Variants in IPO8 observed in about 807,000 individuals in gnomAD.
IPO8 encodes the protein importin-8.
IPO8 carries 65 observed loss-of-function variants against 141.2 expected under a neutral mutation model. The ratio of observed to expected loss-of-function variants is 0.46; its 90% CI spans 0.38 to 0.57. IPO8 has a LOEUF of 0.57. IPO8 is among the 20% of genes least tolerant of loss of function. IPO8 has a pLI of 0.00. For synonymous variants in IPO8, 411 were observed against 420.3 expected (o/e 0.98, Z 0.27); for missense variants, 980 against 1,246.8 (o/e 0.79, Z 3.22).
intron 2 of IPO8, among the ~76,000 whole-genome samples, chr12:30,689,146 G>A (rs910650485): frequency 2.6e-5 from 4 of 152,006 alleles, no homozygotes; most frequent in African/African-American, 7.2e-5. Context: ...AAGAATTGGA[G>A]AGCCACGCAT....
chr12:30,674,523 T>C lies in IPO8; in HGVS notation c.824+136A>G. On this transcript the variant is annotated intron_variant, in intron 7 of 24. Coordinates refer to ENST00000256079, the MANE Select transcript of IPO8 (RefSeq NM_006390.4). ...GAGAAGACCACCCACTTCATTATGA[T>C]CTCAAAGCCAATGATTAAAATTAAG... 4.3e-6 allele frequency: 3 copies of C among 698,324 alleles called. No individual in the cohort carries two copies. The East Asian group carries it at 7.5e-5, about 17-fold the overall frequency. 43.3% of individuals were successfully genotyped at this position (698,324 alleles called of 1,614,324 possible).
At chr12:30,694,436 T>C (rs1367081095) in intron 1 of IPO8, among the ~76,000 whole-genome samples, 1 of 152,202 alleles carries the variant, frequency 6.6e-6, no homozygotes, top group Non-Finnish European at 1.5e-5. Context: ...GGTTTCCTAT[T>C]AAAATAATCC....
At chr12:30,636,223 C>T (rs1191898742) in intron 22 of IPO8, among the ~76,000 whole-genome samples, 1 of 152,018 alleles carries the variant, frequency 6.6e-6, no homozygotes, top group Admixed American at 6.6e-5. Context: ...ATGCTAAAAT[C>T]ACAGAATTTA....
At chr12:30,649,637 A>G (rs2052697925) in intron 19 of IPO8, among the ~76,000 whole-genome samples, 1 of 152,182 alleles carries the variant, frequency 6.6e-6, no homozygotes, top group African/African-American at 2.4e-5. Context: ...CCATAATTTC[A>G]TATTACATAC....
At position 30,656,623 on chromosome 12, in the gene IPO8, C is replaced by CT. The variant is rs1349729421; in HGVS notation, c.1948+60dup. 5 of 951,606 alleles carry CT rather than the reference C, an allele frequency of 5.3e-6. No homozygotes were observed. In the Admixed American group the frequency reaches 1.3e-4, roughly 24 times the overall value. The allele number at this position is 951,606 out of a possible 1,614,324, so 58.9% of individuals were successfully genotyped here. A position where few individuals can be genotyped will look rare whatever the true frequency, so the allele number is the denominator to read the frequency against. On this transcript the variant is annotated intron_variant, in intron 17 of 24. Transcript: ENST00000256079. ...TTAAATCTGAAGGGCTAAAATTATA[C>CT]TTTGAGTTCAAATTTTTAAAATTTT...
chr12:30,658,229 T>A (rs1364748399), intron 16 of IPO8, among the ~76,000 whole-genome samples: 1 of 152,212 alleles, frequency 6.6e-6, no homozygotes, highest in East Asian at 1.9e-4. Flanking sequence ...AGCACCTATT[T>A]TAGATTCACA....
At chr12:30,669,692 G>A (rs1392968124) in intron 9 of IPO8, among the ~76,000 whole-genome samples, 1 of 151,676 alleles carries the variant, frequency 6.6e-6, no homozygotes, top group African/African-American at 2.4e-5. Context: ...CTTGAGCCTA[G>A]GAGCTCAGGG....
chr12:30,660,933 A>AAATATAATATATAT (rs2052876537), intron 16 of IPO8, among the ~76,000 whole-genome samples: 1 of 32,886 alleles, frequency 3.0e-5, no homozygotes, highest in African/African-American at 2.3e-4. Flanking sequence ...TAATATTTAC[A>AAATATAATATATAT]TTATAATATT....
chr12:30,674,711 A>G lies in IPO8; in HGVS notation c.772T>C (p.Trp258Arg). 2 of 1,613,828 alleles carry G rather than the reference A, an allele frequency of 1.2e-6. No individual in the cohort carries two copies. The highest frequency in any genetic ancestry group is 1.7e-6 in the Non-Finnish European group (2 of 1,179,778). Residue 258 changes from tryptophan to arginine, a missense_variant, in exon 7 of 25, where the codon TGG becomes CGG. By Grantham distance (101) the Trp-to-Arg change is moderately radical. Coordinates refer to ENST00000256079, the MANE Select transcript of IPO8 (RefSeq NM_006390.4). ...AGTGCCCACTTCTTACACTTCCACC[A>G]TACCAGTTCTGGTCTATCATCCTCA... ...IDEDDRPELV[W>R]WKCKKWALHI...
intron 3 of IPO8, 122 bp from the exon 4 acceptor site, chr12:30,681,939 T>C: frequency 1.4e-6 from 1 of 734,990 alleles, no homozygotes. Flanking sequence ...TACTTACATA[T>C]GTGGGGTAGG....
intron 5 of IPO8, chr12:30,677,036 T>C (rs2053130750): frequency 4.6e-6 from 7 of 1,525,856 alleles, no homozygotes; most frequent in South Asian, 1.2e-5. Flanking sequence ...TAAACAGATA[T>C]ATGGCTCACC....
chr12:30,677,303 A>G (rs1024197578), intron 5 of IPO8: 1 of 365,648 alleles, frequency 2.7e-6, no homozygotes, highest in Non-Finnish European at 5.4e-6. Context: ...CATAGTAACC[A>G]TCTTAAAGTC....
At chr12:30,670,473 C>T (rs570696717) in intron 9 of IPO8, among the ~76,000 whole-genome samples, 5 of 151,928 alleles carry the variant, frequency 3.3e-5, no homozygotes, top group South Asian at 4.2e-4. Context: ...TTTAGGCAAA[C>T]GATATAGAAA....
chr12:30,668,528 T>C (rs950849429), intron 10 of IPO8, among the ~76,000 whole-genome samples: 4 of 152,154 alleles, frequency 2.6e-5, no homozygotes, highest in Non-Finnish European at 4.4e-5. Flanking sequence ...ATTAAGCAAA[T>C]AAGGTAAAAT....
chr12:30,679,584 G>T (rs1161958545), intron 5 of IPO8, among the ~76,000 whole-genome samples: 1 of 106,294 alleles, frequency 9.4e-6, no homozygotes, highest in Non-Finnish European at 2.0e-5. Flanking sequence ...GCTGCTCTGG[G>T]GGAAAAAAAA....
At chr12:30,680,294 G>A (rs76137445) in intron 5 of IPO8, 188 bp downstream of exon 5, 19,116 of 491,820 alleles carry the variant, frequency 0.039, 637 homozygotes, top group African/African-American at 0.11. Context: ...GCACTTAGGG[G>A]CAGATATGCC....
chr12:30,632,083 T>A, intron 23 of IPO8, 72 bp from the exon 24 acceptor site: 1 of 967,782 alleles, frequency 1.0e-6, no homozygotes, highest in East Asian at 2.4e-5. Flanking sequence ...AGTAACATGA[T>A]CAAATTACAA....
In IPO8 at chr12:30,695,565, T is replaced by C; in HGVS notation, c.83A>G (p.Gln28Arg). ...GGTCGCCGAAGACCCTCTCCTCACCTGGTTGAGCTCGTTCTCGGCTGCAAT... is the reference window on the plus strand; with the variant it reads ...GGTCGCCGAAGACCCTCTCCTCACCCGGTTGAGCTCGTTCTCGGCTGCAAT... ...LRIAAENELN[Q>R]SYKIINFAPS... Residue 28 changes from glutamine (Q) to arginine (R), a missense_variant and splice_region_variant, in exon 1 of 25, where the codon CAG becomes CGG. By Grantham distance (43) the Gln-to-Arg change is conservative. Around this residue, in one of 3 missense-constraint regions of IPO8, gnomAD observed 40 missense variants for 46.3 expected, o/e 0.86. Transcript: ENST00000256079. This position sits in a 1 kb window ranked among gnomAD's most constrained non-coding sequence, Gnocchi z 4.2. 1 of 1,613,726 alleles carries C rather than the reference T, an allele frequency of 6.2e-7. No homozygotes were observed.
chr12:30,662,129 T>C (rs1441973068), intron 15 of IPO8, among the ~76,000 whole-genome samples, 198 bp downstream of exon 15: 1 of 152,188 alleles, frequency 6.6e-6, no homozygotes, highest in African/African-American at 2.4e-5. Flanking sequence ...ATTATTTGTA[T>C]CTAAACATAC....
Sources: gnomAD v4.1 joint callset for allele counts (sites outside exome capture counted in the v4.1 genomes callset) on GRCh38, gnomAD v4.1.1 for gene constraint, gnomAD v4.1.1 regional missense constraint, Gnocchi (gnomAD v3.1) non-coding constraint, MANE v1.5 for transcripts, NCBI Gene and HGNC (gene_info 2026-07-23, HGNC 2026-07-21) for gene names.